TBC1D15: variants seen among roughly 807,000 people sequenced by gnomAD.
TBC1D15 encodes GAP for RAB7.
TBC1D15 carries 39 observed loss-of-function variants against 95.4 expected under a neutral mutation model. The ratio of observed to expected loss-of-function variants is 0.41; its 90% confidence interval spans 0.32 to 0.53. The LOEUF is 0.53. Among genes scored for constraint, TBC1D15 ranks in the 20% least tolerant of loss-of-function variants. The pLI is 0.29. For missense variants in TBC1D15, 733 were observed against 794.3 expected (o/e 0.92, Z 0.93); for synonymous variants, 258 against 261.3 (o/e 0.99, Z 0.12).
intron 11 of TBC1D15, chr12:71,907,689 A>T (rs1901085497): frequency 6.6e-6 from 1 of 152,202 alleles, no homozygotes; most frequent in African/African-American, 2.4e-5. Flanking sequence ...GCCTTGGGAA[A>T]AATTGCTGGG....
At chr12:71,861,990 A>C (rs566653000) in intron 1 of TBC1D15, among the ~76,000 whole-genome samples, 2 of 152,160 alleles carry the variant, frequency 1.3e-5, no homozygotes, top group Non-Finnish European at 2.9e-5. Flanking sequence ...ACAAATTTGC[A>C]AGTTCTTGTT....
intron 1 of TBC1D15, among the ~76,000 whole-genome samples, chr12:71,842,830 CAAAAAAAAAAAAA>C (rs58842371): frequency 0.15 from 12,988 of 84,992 alleles, 685 homozygotes; most frequent in South Asian, 0.24. Context: ...GACCCTGTCT[CAAAAAAAAAAAAA>C]AAAAAAGAAA....
intron 1 of TBC1D15, among the ~76,000 whole-genome samples, chr12:71,861,959 G>T (rs530212633): frequency 6.6e-6 from 1 of 151,996 alleles, no homozygotes; most frequent in East Asian, 1.9e-4. Context: ...ATTCAGAAAC[G>T]TTTAATTTTC....
Position 71,918,431 on chromosome 12 carries a change from T to G in TBC1D15, c.1502-20T>G, listed in dbSNP as rs752184887. Reference sequence around the variant, plus strand: ...TTAGCATAAGAGTAAGTCATATGTGTGTTTTTTTCTTCTGCATAGAATCTC... The same window carrying G: ...TTAGCATAAGAGTAAGTCATATGTGGGTTTTTTTCTTCTGCATAGAATCTC... On this transcript the variant is annotated intron_variant, in intron 13 of 16. Coordinates refer to ENST00000485960, the MANE Select transcript of TBC1D15 (RefSeq NM_001146213.3). The G allele has an allele frequency of 2.5e-5, 37 of 1,478,738 alleles. No individual in the cohort carries two copies. Among genetic ancestry groups the G allele is most frequent in the Middle Eastern group, 3.5e-4 (2 of 5,700 alleles). 91.6% of individuals were successfully genotyped at this position (1,478,738 alleles called of 1,614,324 possible).
intron 10 of TBC1D15, among the ~76,000 whole-genome samples, chr12:71,901,038 T>A (rs1899270827): frequency 6.6e-6 from 1 of 152,106 alleles, no homozygotes; most frequent in Non-Finnish European, 1.5e-5. Context: ...TGCTGGGTTT[T>A]TTGTCTTTCA....
chr12:71,842,521 A>G (rs974756074), intron 1 of TBC1D15, among the ~76,000 whole-genome samples: 2 of 152,146 alleles, frequency 1.3e-5, no homozygotes, highest in South Asian at 2.1e-4. Flanking sequence ...GTGAAGAGGA[A>G]GAAGCAAGAA....
chr12:71,841,673 G>C (rs1488186538), intron 1 of TBC1D15, among the ~76,000 whole-genome samples: 1 of 152,152 alleles, frequency 6.6e-6, no homozygotes, highest in African/African-American at 2.4e-5. Flanking sequence ...TCAGCGCATA[G>C]TTCAGGCTTT....
chr12:71,849,202 G>A (rs1465331749), intron 1 of TBC1D15: 6 of 336,554 alleles, frequency 1.8e-5, no homozygotes, highest in Non-Finnish European at 2.7e-5. Context: ...AAAAACTTCA[G>A]TGTCCATAGG....
Position 71,913,857 on chromosome 12 carries a change from C to T in TBC1D15, c.1332C>T (p.Ser444=), listed in dbSNP as rs11178983. 1.9e-6 allele frequency: 3 copies of T among 1,582,970 alleles called. No individual in the cohort carries two copies. Among genetic ancestry groups the T allele is most frequent in the African/African-American group, 2.8e-5 (2 of 72,286 alleles). ...GYVQGMSDLL[S]PLLYVMENEV... Reference sequence around the variant, plus strand: ...TTCAAGGAATGAGTGATTTACTTTCCCCTCTTTTATATGTGATGGAAAATG... The same window carrying T: ...TTCAAGGAATGAGTGATTTACTTTCTCCTCTTTTATATGTGATGGAAAATG... Residue 444 remains serine, a synonymous_variant, in exon 12 of 17, where the codon TCC becomes TCT. Transcript: ENST00000485960.
chr12:71,901,266 C>T (rs1229377776), intron 10 of TBC1D15, among the ~76,000 whole-genome samples: 2 of 152,092 alleles, frequency 1.3e-5, no homozygotes, highest in East Asian at 3.9e-4. Context: ...AAGCAATTCT[C>T]CCATCTCAGT....
chr12:71,842,928 A>T (rs985072808), intron 1 of TBC1D15, among the ~76,000 whole-genome samples: 1 of 152,028 alleles, frequency 6.6e-6, no homozygotes, highest in Non-Finnish European at 1.5e-5. Flanking sequence ...AGAGTTGTAA[A>T]ATCCTATTGT....
chr12:71,854,003 G>A lies in TBC1D15; in HGVS notation c.30+14192G>A, dbSNP rs192712275. On this transcript the variant is annotated intron_variant, in intron 1 of 16. Coordinates refer to ENST00000485960, the MANE Select transcript of TBC1D15 (RefSeq NM_001146213.3). ...AGACTGCAGATTTCTTGAGTTCCCT[G>A]TGTGTTCTTCTCTTTTCTCTGGTAC... Among the ~76,000 whole-genome samples, 69 of 152,298 alleles carry A rather than the reference G, an allele frequency of 4.5e-4. No homozygotes were observed. The South Asian group carries it at 4.6e-3, about 10-fold the overall frequency.
intron 1 of TBC1D15, among the ~76,000 whole-genome samples, chr12:71,866,881 T>C (rs1300843340): frequency 6.6e-6 from 1 of 152,264 alleles, no homozygotes; most frequent in Non-Finnish European, 1.5e-5. Context: ...TCTGGACTTC[T>C]GTTTTTGTAT....
intron 10 of TBC1D15, among the ~76,000 whole-genome samples, chr12:71,902,550 C>T (rs1271757489): frequency 1.3e-5 from 2 of 152,152 alleles, no homozygotes; most frequent in Non-Finnish European, 2.9e-5. Flanking sequence ...AACTGGACCC[C>T]TACCTTTCAC....
At chr12:71,847,520 C>T (rs777290804) in intron 1 of TBC1D15, among the ~76,000 whole-genome samples, 6 of 151,430 alleles carry the variant, frequency 4.0e-5, no homozygotes, top group Non-Finnish European at 7.4e-5. Context: ...CATAGTGAAA[C>T]CTTGTCTCTA....
At chr12:71,922,884 A>T in intron 16 of TBC1D15, 99 bp from the exon 17 acceptor site, 1 of 1,121,404 alleles carries the variant, frequency 8.9e-7, no homozygotes, top group Non-Finnish European at 1.3e-6. Flanking sequence ...ACAAATGCTC[A>T]GATTCTGGAA....
chr12:71,919,259 C>T (rs1033547590), intron 14 of TBC1D15, among the ~76,000 whole-genome samples: 2 of 147,192 alleles, frequency 1.4e-5, no homozygotes, highest in African/African-American at 5.1e-5. Flanking sequence ...AGACTGATCT[C>T]GAACTCCTGG....
intron 12 of TBC1D15, among the ~76,000 whole-genome samples, chr12:71,914,893 A>G (rs79901406): frequency 1.9e-4 from 29 of 151,688 alleles, no homozygotes; most frequent in African/African-American, 3.4e-4. Flanking sequence ...TTCTCCTTCA[A>G]ATTTTCCCTG....
intron 14 of TBC1D15, among the ~76,000 whole-genome samples, chr12:71,918,804 C>T (rs940306664): frequency 2.6e-5 from 4 of 152,164 alleles, no homozygotes; most frequent in African/African-American, 9.7e-5. Context: ...TGCTCTAGAC[C>T]ATTTGCTGCC....
Sources: allele counts gnomAD v4.1 joint callset (sites outside exome capture counted in the v4.1 genomes callset), GRCh38; gene constraint gnomAD v4.1.1; transcripts MANE v1.5; gene names NCBI Gene and HGNC (gene_info 2026-07-23, HGNC 2026-07-21).